Variants in GNAL observed in about 807,000 individuals in gnomAD.
GNAL encodes the protein G protein subunit alpha L, also known as guanine nucleotide-binding protein G(olf) subunit alpha.
GNAL carries 18 observed loss-of-function variants against 55.1 expected under a neutral mutation model. The ratio of observed to expected loss-of-function variants is 0.33; its 90% CI spans 0.23 to 0.48. GNAL has a LOEUF of 0.48. Among genes scored for constraint, GNAL ranks in the 20% least tolerant of loss-of-function variants. GNAL has a pLI of 0.99. For synonymous variants in GNAL, 253 were observed against 237.0 expected, an observed-to-expected ratio of 1.07 and a Z score of -0.62; for missense variants, 412 against 614.1, an observed-to-expected ratio of 0.67 and a Z score of 3.48.
chr18:11,794,976 G>A (rs2143461307), intron 4 of GNAL, among the ~76,000 whole-genome samples: 1 of 152,160 alleles, frequency 6.6e-6, no homozygotes, highest in South Asian at 2.1e-4. Flanking sequence ...CTGAGTAGCT[G>A]GGATTACCGG....
chr18:11,709,346 A>AG (rs1230874740), intron 1 of GNAL, among the ~76,000 whole-genome samples: 1 of 151,656 alleles, frequency 6.6e-6, no homozygotes, highest in African/African-American at 2.4e-5. Flanking sequence ...AAAAAAAAAA[A>AG]AAGTCATTAG....
chr18:11,694,301 G>C (rs1254633979), intron 1 of GNAL, among the ~76,000 whole-genome samples: 2 of 152,290 alleles, frequency 1.3e-5, no homozygotes, highest in East Asian at 1.9e-4. Context: ...CTCTCATGGA[G>C]CACTGGGGTA....
At chr18:11,796,960 A>G (rs901528178) in intron 4 of GNAL, among the ~76,000 whole-genome samples, 145 of 152,248 alleles carry the variant, frequency 9.5e-4, no homozygotes, top group African/African-American at 3.5e-3. Context: ...AGTCCCTATC[A>G]GAACTTATTT....
intron 1 of GNAL, among the ~76,000 whole-genome samples, chr18:11,750,099 C>A (rs1267322371): frequency 6.6e-6 from 1 of 152,126 alleles, no homozygotes; most frequent in Non-Finnish European, 1.5e-5. Context: ...CAGTGGCAGA[C>A]GCCACGGAAA....
chr18:11,715,074 G>T (rs2031923059), intron 1 of GNAL, among the ~76,000 whole-genome samples: 1 of 152,028 alleles, frequency 6.6e-6, no homozygotes, highest in Admixed American at 6.6e-5. Context: ...GAGCCCAGCA[G>T]GTCAAGGCTG....
chr18:11,809,158 T>C (rs1295239069), intron 4 of GNAL, among the ~76,000 whole-genome samples: 1 of 152,046 alleles, frequency 6.6e-6, no homozygotes, highest in African/African-American at 2.4e-5. Context: ...CTAAGGAGTC[T>C]GAGGCAGGAG....
intron 1 of GNAL, among the ~76,000 whole-genome samples, chr18:11,730,829 G>A (rs1402985330): frequency 6.6e-6 from 1 of 152,140 alleles, no homozygotes. Flanking sequence ...TAAGTTAAGG[G>A]GGTCGGCTAT....
chr18:11,858,895 G>T (rs886460942), intron 5 of GNAL, among the ~76,000 whole-genome samples: 8 of 152,144 alleles, frequency 5.3e-5, no homozygotes, highest in African/African-American at 1.2e-4. Flanking sequence ...AGACCCACCA[G>T]CCTCATCACT....
chr18:11,752,553 G>A lies in GNAL; in HGVS notation c.377-300G>A. The A allele has an allele frequency of 6.2e-7, 1 of 1,611,492 alleles. No homozygotes were observed. On this transcript the variant is annotated intron_variant, in intron 1 of 11. Coordinates refer to ENST00000334049, the MANE Select transcript of GNAL (RefSeq NM_182978.4). The surrounding 1 kb of genome is among the most constrained non-coding windows in gnomAD (Gnocchi z 4.5). ...TGCAGAAAGAGCGCCTGGCTTACAAGGCTACCCACCGCCTGCTGCTCCTGG... is the reference window on the plus strand; with the variant it reads ...TGCAGAAAGAGCGCCTGGCTTACAAAGCTACCCACCGCCTGCTGCTCCTGG...
intron 5 of GNAL, chr18:11,854,203 C>T (rs1286874878): frequency 6.0e-6 from 1 of 167,032 alleles, no homozygotes; most frequent in African/African-American, 2.4e-5. Context: ...AAACTAAAGA[C>T]CCTTTTATAA....
At chr18:11,791,615 C>G (rs565307996) in intron 4 of GNAL, among the ~76,000 whole-genome samples, 22 of 152,112 alleles carry the variant, frequency 1.4e-4, no homozygotes, top group Non-Finnish European at 2.9e-5. Flanking sequence ...TAAACACACA[C>G]AAAAAATTAA....
Position 11,689,779 on chromosome 18 carries a change from G to A in GNAL, c.216G>A (p.Lys72=), listed in dbSNP as rs1445897182. Residue 72 remains lysine (K), a synonymous_variant, in exon 1 of 12, where the codon AAG becomes AAA. Coordinates refer to ENST00000334049, the MANE Select transcript of GNAL (RefSeq NM_182978.4). The part of the protein sequence containing the change: ...ACARPKADKP[K]EKRQRTEQLS... ...CTCGGCCCAAAGCAGACAAGCCGAA[G>A]GAGAAGCGGCAGCGCACCGAGCAGC... 2.0e-6 allele frequency: 3 copies of A among 1,529,824 alleles called. No individual in the cohort carries two copies. Among genetic ancestry groups the A allele is most frequent in the Non-Finnish European group, 1.8e-6 (2 of 1,141,588 alleles). 94.8% of individuals were successfully genotyped at this position (1,529,824 alleles called of 1,614,324 possible).
intron 4 of GNAL, among the ~76,000 whole-genome samples, chr18:11,780,735 G>A (rs963812295): frequency 1.3e-5 from 2 of 152,136 alleles, no homozygotes; most frequent in Admixed American, 6.5e-5. Context: ...GAATGAATTA[G>A]ATCACAGGCA....
chr18:11,861,925 T>C (rs1056148259), intron 5 of GNAL, among the ~76,000 whole-genome samples: 3 of 150,704 alleles, frequency 2.0e-5, no homozygotes, highest in Non-Finnish European at 4.4e-5. Flanking sequence ...ATACTCGCTC[T>C]CCACACTCAG....
At chr18:11,858,390 A>G (rs1249625) in intron 5 of GNAL, among the ~76,000 whole-genome samples, 149,619 of 152,348 alleles carry the variant, frequency 0.98, 73,521 homozygotes, top group East Asian at 1. Flanking sequence ...AATAGTCTGC[A>G]AGGGATTTTT....
At chr18:11,722,227 T>TGCAATCA (rs2032111387) in intron 1 of GNAL, among the ~76,000 whole-genome samples, 1 of 152,224 alleles carries the variant, frequency 6.6e-6, no homozygotes, top group African/African-American at 2.4e-5. Flanking sequence ...ATGATTTAAT[T>TGCAATCA]AACTTACCAC....
intron 4 of GNAL, among the ~76,000 whole-genome samples, chr18:11,796,363 G>GTCGGGAGA (rs201492510): frequency 0.053 from 8,124 of 152,070 alleles, 305 homozygotes; most frequent in African/African-American, 0.1. Context: ...GGATCACGAG[G>GTCGGGAGA]TCGGGAGATC....
chr18:11,775,092 A>T (rs960755497), intron 4 of GNAL, among the ~76,000 whole-genome samples: 3 of 152,278 alleles, frequency 2.0e-5, no homozygotes, highest in African/African-American at 7.2e-5. Context: ...CCCCTTGACT[A>T]ATGGCTTCTT....
intron 1 of GNAL, among the ~76,000 whole-genome samples, chr18:11,743,849 T>C (rs760612658): frequency 2.0e-5 from 3 of 152,228 alleles, no homozygotes; most frequent in Non-Finnish European, 4.4e-5. Context: ...AATGCAACTT[T>C]GAGGTGTGTG....
Sources: gnomAD v4.1 joint callset for allele counts (sites outside exome capture counted in the v4.1 genomes callset) on GRCh38, gnomAD v4.1.1 for gene constraint, Gnocchi (gnomAD v3.1) non-coding constraint, MANE v1.5 for transcripts, NCBI Gene and HGNC (gene_info 2026-07-23, HGNC 2026-07-21) for gene names.